The following CAMTA1 variants were observed in gnomAD, a reference collection of about 807,000 sequenced individuals.
CAMTA1 encodes the protein calmodulin-binding transcription activator 1.
A neutral mutation model predicts 170.9 loss-of-function variants in CAMTA1; 27 were observed. The ratio of observed to expected loss-of-function variants is 0.16; its 90% confidence interval spans 0.12 to 0.22. The LOEUF is 0.22. CAMTA1 is among the 10% of genes least tolerant of loss of function. CAMTA1 has a pLI of 1.00. For synonymous variants in CAMTA1, 833 were observed against 891.5 expected (o/e 0.93, Z 1.17); for missense variants, 1,619 against 2,217.2 (o/e 0.73, Z 5.42).
At chr1:7,199,452 T>C (rs953784700) in intron 4 of CAMTA1, among the ~76,000 whole-genome samples, 1 of 152,184 alleles carries the variant, frequency 6.6e-6, no homozygotes, top group Non-Finnish European at 1.5e-5. Context: ...CCATTCTCTT[T>C]CCCAGACACG....
At chr1:7,394,474 C>T (rs1344178136) in intron 5 of CAMTA1, among the ~76,000 whole-genome samples, 1 of 152,068 alleles carries the variant, frequency 6.6e-6, no homozygotes, top group Non-Finnish European at 1.5e-5. Flanking sequence ...TACTTGTTGA[C>T]CATTTGTATG....
chr1:7,105,639 G>A (rs1367889024), intron 4 of CAMTA1, among the ~76,000 whole-genome samples: 4 of 152,168 alleles, frequency 2.6e-5, no homozygotes, highest in Admixed American at 6.5e-5. Context: ...ATGCCTCAAA[G>A]TTGATTTTAA....
intron 11 of CAMTA1, 100 bp downstream of exon 11, chr1:7,677,833 G>A (rs1159915824): frequency 1.4e-6 from 2 of 1,386,510 alleles, no homozygotes; most frequent in Non-Finnish European, 1.9e-6. Context: ...CCCAGAAAGG[G>A]GCAGGAAGTG....
Position 7,604,011 on chromosome 1 carries a change from C to T in CAMTA1, c.511-36389C>T, listed in dbSNP as rs138447908. ...TCTTCAAGAATGTTGAATATTGGCCCCCACTCTCTTCTGGCTTGTAGAGTT... is the reference window on the plus strand; with the variant it reads ...TCTTCAAGAATGTTGAATATTGGCCTCCACTCTCTTCTGGCTTGTAGAGTT... On this transcript the variant is annotated intron_variant, in intron 6 of 22. Coordinates refer to ENST00000303635, the MANE Select transcript of CAMTA1 (RefSeq NM_015215.4). Among the ~76,000 whole-genome samples, 673 of 152,248 alleles carry T rather than the reference C, an allele frequency of 4.4e-3. 6 individuals are homozygous for T. Among genetic ancestry groups the T allele is most frequent in the African/African-American group, 0.016 (654 of 41,532 alleles).
intron 4 of CAMTA1, among the ~76,000 whole-genome samples, chr1:7,152,674 C>G (rs901284065): frequency 6.6e-6 from 1 of 152,184 alleles, no homozygotes. Context: ...GCAGGCTTCT[C>G]CACCTCCCAG....
chr1:7,690,019 C>T (rs1481923874), intron 11 of CAMTA1, among the ~76,000 whole-genome samples: 2 of 151,930 alleles, frequency 1.3e-5, no homozygotes, highest in East Asian at 1.9e-4. Flanking sequence ...ATTAGCCAGG[C>T]GTGGTGGCAG....
intron 12 of CAMTA1, among the ~76,000 whole-genome samples, chr1:7,735,676 G>A (rs529810449): frequency 1.2e-4 from 18 of 152,152 alleles, no homozygotes; most frequent in Non-Finnish European, 2.5e-4. Context: ...ACTCGTGTCT[G>A]TAGAGCTGTG....
rs1414685607 is a variant in CAMTA1 at position 7,664,904 on chromosome 1, G to A, written c.2357G>A (p.Gly786Asp). The A allele has an allele frequency of 1.9e-6, 3 of 1,613,182 alleles. No individual in the cohort carries two copies. Among genetic ancestry groups the A allele is most frequent in the Non-Finnish European group, 8.5e-7 (1 of 1,179,974 alleles). ...AACGACTTCATCTCCGTGGAGGGGG[G>A]CAGCAGCACCATCTATGGGCACCAG... ...LINDFISVEGGSSTIYGHQLV... is the reference protein window; with the variant it reads ...LINDFISVEGDSSTIYGHQLV... Residue 786 changes from glycine (G) to aspartate (D), a missense_variant, in exon 9 of 23, where the codon GGC becomes GAC. By Grantham distance (94) the Gly-to-Asp change is moderately conservative. Coordinates refer to ENST00000303635, the MANE Select transcript of CAMTA1 (RefSeq NM_015215.4).
intron 5 of CAMTA1, among the ~76,000 whole-genome samples, chr1:7,306,880 T>C (rs1193142918): frequency 6.6e-6 from 1 of 151,850 alleles, no homozygotes; most frequent in Admixed American, 6.6e-5. Context: ...AAGTAAAAAA[T>C]ACAGTATAAC....
At chr1:7,655,530 A>AT (rs2095892290) in intron 7 of CAMTA1, among the ~76,000 whole-genome samples, 3 of 69,210 alleles carry the variant, frequency 4.3e-5, no homozygotes, top group Non-Finnish European at 9.3e-5. Flanking sequence ...ACACCCACAC[A>AT]CATACACACT....
intron 4 of CAMTA1, among the ~76,000 whole-genome samples, chr1:7,100,952 T>C (rs1642644999): frequency 6.6e-6 from 1 of 152,188 alleles, no homozygotes; most frequent in Non-Finnish European, 1.5e-5. Flanking sequence ...GTGATGCACG[T>C]TGGGGTGCTC....
chr1:7,024,538 A>G (rs2101001890), intron 3 of CAMTA1, among the ~76,000 whole-genome samples: 1 of 152,374 alleles, frequency 6.6e-6, no homozygotes, highest in South Asian at 2.1e-4. Context: ...ATCAGTCTGC[A>G]CTAGCAGTGT....
At chr1:7,157,273 A>C (rs1646941763) in intron 4 of CAMTA1, among the ~76,000 whole-genome samples, 1 of 141,938 alleles carries the variant, frequency 7.0e-6, no homozygotes, top group African/African-American at 2.6e-5. Context: ...TGAACCCGGG[A>C]GGCAGAGCTT....
At chr1:7,244,579 A>T (rs1311868265) in intron 4 of CAMTA1, among the ~76,000 whole-genome samples, 2 of 152,232 alleles carry the variant, frequency 1.3e-5, no homozygotes, top group East Asian at 1.9e-4. Context: ...TGATGAGTTC[A>T]TGTCCTTTGT....
rs2149300993 is a variant in CAMTA1, at chr1:7,249,059, T to C, written c.303-432T>C. Reference sequence around the variant, plus strand: ...TAGTCATCTAGCGTCTGCGTTAAACTTATTTATTTCCTAATGCTGGGTGAT... The same window carrying C: ...TAGTCATCTAGCGTCTGCGTTAAACCTATTTATTTCCTAATGCTGGGTGAT... On this transcript the variant is annotated intron_variant, in intron 4 of 22. Transcript: ENST00000303635. This position sits in a 1 kb window ranked among gnomAD's most constrained non-coding sequence, Gnocchi z 4.4. 6.6e-6 allele frequency among the ~76,000 whole-genome samples: 1 copy of C among 152,312 alleles called. No individual in the cohort carries two copies. The highest frequency in any genetic ancestry group is 2.1e-4 in the South Asian group (1 of 4,822).
chr1:6,809,662 G>A (rs986365572), intron 1 of CAMTA1, among the ~76,000 whole-genome samples: 3 of 152,090 alleles, frequency 2.0e-5, no homozygotes, highest in African/African-American at 7.2e-5. Context: ...AGATTGGAAG[G>A]GGAGCAGAGA....
chr1:7,461,706 G>A (rs1433057867), intron 5 of CAMTA1, among the ~76,000 whole-genome samples: 1 of 152,222 alleles, frequency 6.6e-6, no homozygotes, highest in African/African-American at 2.4e-5. Context: ...CTCCTTGTGG[G>A]AGGTGGACCC....
chr1:6,893,841 G>T (rs1344927008), intron 3 of CAMTA1, among the ~76,000 whole-genome samples: 1 of 152,188 alleles, frequency 6.6e-6, no homozygotes, highest in East Asian at 1.9e-4. Context: ...TTAAGATTTT[G>T]GTTGTATAAT....
chr1:6,844,088 G>T (rs1656973047), intron 3 of CAMTA1, among the ~76,000 whole-genome samples: 2 of 152,182 alleles, frequency 1.3e-5, no homozygotes, highest in Admixed American at 1.3e-4. Context: ...GAATATTCAA[G>T]AAGTGAGTAA....
Sources: gnomAD v4.1 joint callset for allele counts (sites outside exome capture counted in the v4.1 genomes callset) on GRCh38, gnomAD v4.1.1 for gene constraint, Gnocchi (gnomAD v3.1) non-coding constraint, MANE v1.5 for transcripts, NCBI Gene and HGNC (gene_info 2026-07-23, HGNC 2026-07-21) for gene names.